Variants in ZRANB3 observed in about 807,000 individuals in gnomAD.
The protein encoded by ZRANB3 is zinc finger RANBP2-type containing 3.
In ZRANB3, 125 loss-of-function variants were observed where a neutral mutation model predicts 133.8. That is an observed-to-expected ratio of 0.93 (90% CI 0.81 to 1.08). The LOEUF (loss-of-function observed/expected upper bound fraction) is 1.08, where lower values mean the gene tolerates loss of function less well. Among genes scored for constraint, ZRANB3 ranks in the 50% least tolerant of loss-of-function variants. The pLI is 0.00. For synonymous variants in ZRANB3, 387 were observed against 432.7 expected (o/e 0.89, Z 1.31); for missense variants, 1,229 against 1,275.5 (o/e 0.96, Z 0.56).
chr2:135,404,725 G>C (rs1203902285), intron 2 of ZRANB3, among the ~76,000 whole-genome samples: 1 of 152,182 alleles, frequency 6.6e-6, no homozygotes, highest in Non-Finnish European at 1.5e-5. Context: ...ACCCACAAAG[G>C]GAAGCCCATT....
In ZRANB3 at chr2:135,355,250, G is replaced by T. The variant is rs796943086; in HGVS notation, c.181-1622C>A. 3.1e-5 allele frequency: 31 copies of T among 985,158 alleles called. 1 individual carries two copies. In the African/African-American group the frequency reaches 5.1e-4, roughly 16 times the overall value. 61.0% of individuals were successfully genotyped at this position (985,158 alleles called of 1,614,324 possible). On this transcript the variant is annotated intron_variant, in intron 3 of 20. Coordinates refer to ENST00000264159, the MANE Select transcript of ZRANB3 (RefSeq NM_032143.4). ...ACATTCGTTGGATAATAATTAGTAT[G>T]TTTCCGTGTCTTCAAAGCCCTCCAA...
intron 3 of ZRANB3, among the ~76,000 whole-genome samples, chr2:135,383,274 CA>C (rs1686808548): frequency 6.6e-6 from 1 of 152,030 alleles, no homozygotes; most frequent in Non-Finnish European, 1.5e-5. Flanking sequence ...GGTAAAGGGA[CA>C]AATTCAACAA....
At chr2:135,432,533 T>C (rs1689365975) in intron 2 of ZRANB3, among the ~76,000 whole-genome samples, 1 of 152,186 alleles carries the variant, frequency 6.6e-6, no homozygotes, top group Non-Finnish European at 1.5e-5. Flanking sequence ...AAGATGAACA[T>C]AAAGTTTGGT....
chr2:135,464,145 C>A (rs966365956), intron 2 of ZRANB3, among the ~76,000 whole-genome samples: 7 of 152,134 alleles, frequency 4.6e-5, no homozygotes, highest in African/African-American at 1.7e-4. Context: ...GAGTTATCAT[C>A]CATGAAAAGA....
At chr2:135,502,101 A>G (rs1041554066) in intron 2 of ZRANB3, among the ~76,000 whole-genome samples, 2 of 152,188 alleles carry the variant, frequency 1.3e-5, no homozygotes. Context: ...ATATCCTTAA[A>G]TTATTTTTAA....
rs531673790 is a variant in ZRANB3 at position 135,230,742 on chromosome 2, C to A, written c.1725G>T (p.Thr575=). 1 of 1,613,464 alleles carries A rather than the reference C, an allele frequency of 6.2e-7. No individual in the cohort carries two copies. Among genetic ancestry groups the A allele is most frequent in the South Asian group, 1.1e-5 (1 of 90,936 alleles). The change falls in exon 13 of 21, where the codon ACG becomes ACT. Residue 575 remains threonine (T), a synonymous_variant. Coordinates refer to ENST00000264159, the MANE Select transcript of ZRANB3 (RefSeq NM_032143.4). ...CCGAGGCAGCCAATTTCAATCTTTT[C>A]GTTTCAGGTTCAACATCACTTTCAT... The part of the protein sequence containing the change: ...IDYESDVEPE[T]KRLKLAASED...
At chr2:135,390,411 A>G (rs1687171838) in intron 3 of ZRANB3, among the ~76,000 whole-genome samples, 1 of 152,202 alleles carries the variant, frequency 6.6e-6, no homozygotes, top group Admixed American at 6.5e-5. Context: ...CCATTTCAGA[A>G]CTATGTTTCA....
At chr2:135,274,378 T>A (rs1011102879) in intron 9 of ZRANB3, among the ~76,000 whole-genome samples, 1 of 152,220 alleles carries the variant, frequency 6.6e-6, no homozygotes, top group Admixed American at 6.5e-5. Context: ...ATATATTGCC[T>A]GGAAGTTTAA....
Position 135,474,426 on chromosome 2 carries a change from G to A in ZRANB3, c.161+29903C>T, listed in dbSNP as rs116068426. On this transcript the variant is annotated intron_variant, in intron 2 of 20. Transcript: ENST00000264159. ...TCCCCAATGGTGGAGGTAGGGTATC[G>A]TGGGAGGAATCTGGCTCATGGGGGT... Among the ~76,000 whole-genome samples the A allele has an allele frequency of 1.4e-3, 211 of 152,210 alleles. 1 individual carries two copies. Among genetic ancestry groups the A allele is most frequent in the South Asian group, 0.012 (56 of 4,824 alleles).
intron 2 of ZRANB3, among the ~76,000 whole-genome samples, chr2:135,395,882 A>G (rs1203838435): frequency 6.6e-6 from 1 of 152,174 alleles, no homozygotes; most frequent in African/African-American, 2.4e-5. Context: ...TAAAGAGACA[A>G]CCCACAGAAT....
chr2:135,393,227 T>C (rs559054472), intron 2 of ZRANB3, among the ~76,000 whole-genome samples: 3 of 152,226 alleles, frequency 2.0e-5, no homozygotes, highest in East Asian at 1.9e-4. Context: ...TTAAAACATA[T>C]ATAAGAGTAA....
intron 12 of ZRANB3, among the ~76,000 whole-genome samples, chr2:135,247,704 T>C (rs1695862499): frequency 6.6e-6 from 1 of 152,094 alleles, no homozygotes; most frequent in Admixed American, 6.5e-5. Flanking sequence ...CTCACTTCCA[T>C]GGCACCTCTA....
intron 3 of ZRANB3, among the ~76,000 whole-genome samples, chr2:135,386,467 T>G (rs976850536): frequency 1.3e-5 from 2 of 152,190 alleles, no homozygotes; most frequent in Non-Finnish European, 2.9e-5. Context: ...AGAAATACCA[T>G]TTGACCCAGT....
rs187035012 is a variant in ZRANB3 at position 135,417,688 on chromosome 2, A to C, written c.162-26868T>G. Among the ~76,000 whole-genome samples the C allele has an allele frequency of 7.9e-4, 121 of 152,340 alleles. 1 individual carries two copies. Among genetic ancestry groups the C allele is most frequent in the Middle Eastern group, 3.4e-3 (1 of 294 alleles). ...TATGTTTACTGTGGCATTATTCACAATAACAAAGACTTGGAACCAACCCAA... is the reference window on the plus strand; with the variant it reads ...TATGTTTACTGTGGCATTATTCACACTAACAAAGACTTGGAACCAACCCAA... On this transcript the variant is annotated intron_variant, in intron 2 of 20. Coordinates refer to ENST00000264159, the MANE Select transcript of ZRANB3 (RefSeq NM_032143.4).
At chr2:135,321,362 G>A (rs768651684) in intron 6 of ZRANB3, among the ~76,000 whole-genome samples, 10 of 152,072 alleles carry the variant, frequency 6.6e-5, no homozygotes, top group Non-Finnish European at 1.2e-4. Flanking sequence ...AAGGTCTTGG[G>A]CATTTTTTCA....
chr2:135,386,466 A>G (rs1193587373), intron 3 of ZRANB3, among the ~76,000 whole-genome samples: 1 of 152,228 alleles, frequency 6.6e-6, no homozygotes, highest in Non-Finnish European at 1.5e-5. Context: ...CAGAAATACC[A>G]TTTGACCCAG....
At chr2:135,434,617 TC>T (rs1254681508) in intron 2 of ZRANB3, among the ~76,000 whole-genome samples, 3 of 152,222 alleles carry the variant, frequency 2.0e-5, no homozygotes, top group Admixed American at 2.0e-4. Context: ...GTCATTTTTA[TC>T]CCCTGTGCTG....
At chr2:135,415,651 C>T (rs1300276308) in intron 2 of ZRANB3, among the ~76,000 whole-genome samples, 2 of 152,068 alleles carry the variant, frequency 1.3e-5, no homozygotes, top group South Asian at 2.1e-4. Context: ...AGAGACACAG[C>T]CAAAAAAGAG....
At chr2:135,346,735 A>G (rs1337435993) in intron 5 of ZRANB3, among the ~76,000 whole-genome samples, 1 of 152,210 alleles carries the variant, frequency 6.6e-6, no homozygotes, top group African/African-American at 2.4e-5. Flanking sequence ...GATAGGCTAC[A>G]CACAGGACTG....
Sources: gnomAD v4.1 joint callset for allele counts (sites outside exome capture counted in the v4.1 genomes callset) on GRCh38, gnomAD v4.1.1 for gene constraint, MANE v1.5 for transcripts, NCBI Gene and HGNC (gene_info 2026-07-23, HGNC 2026-07-21) for gene names.